NEBL: variants seen among roughly 807,000 people sequenced by gnomAD.
NEBL encodes the protein nebulette.
A neutral mutation model predicts 140.2 loss-of-function variants in NEBL; 122 were observed. The observed-to-expected ratio is 0.87, with a 90% CI of 0.75 to 1.01. The LOEUF (loss-of-function observed/expected upper bound fraction) is 1.01. Ranked by LOEUF, NEBL falls within the 50% of genes least tolerant of loss-of-function variation. The pLI is 0.00. For synonymous variants in NEBL, 436 were observed against 398.9 expected, an observed-to-expected ratio of 1.09 and a Z score of -1.11; for missense variants, 1,365 against 1,231.3, an observed-to-expected ratio of 1.11 and a Z score of -1.62.
chr10:20,974,153 C>G (rs1030973908), intron 3 of NEBL, among the ~76,000 whole-genome samples: 4 of 152,164 alleles, frequency 2.6e-5, no homozygotes, highest in Non-Finnish European at 5.9e-5. Flanking sequence ...AAACCCAGAT[C>G]TGCTGTCCCC....
At chr10:21,228,134 T>A (rs1177137183) in intron 3 of NEBL, among the ~76,000 whole-genome samples, 1 of 151,726 alleles carries the variant, frequency 6.6e-6, no homozygotes, top group Non-Finnish European at 1.5e-5. Flanking sequence ...CGAGTTGTTG[T>A]TGTTGCTATT....
chr10:20,810,145 A>G (rs954946707), intron 24 of NEBL, among the ~76,000 whole-genome samples: 2 of 152,154 alleles, frequency 1.3e-5, no homozygotes, highest in African/African-American at 4.8e-5. Flanking sequence ...CTATTCATTG[A>G]GCTGCCCTAT....
upstream of NEBL, among the ~76,000 whole-genome samples, chr10:21,178,563 A>T (rs1398047688): frequency 6.6e-6 from 1 of 152,048 alleles, no homozygotes; most frequent in Non-Finnish European, 1.5e-5. Flanking sequence ...AAAATATAAG[A>T]CCCCCTAAAG....
intron 24 of NEBL, among the ~76,000 whole-genome samples, chr10:20,812,492 C>T (rs1019874772): frequency 2.7e-4 from 40 of 147,856 alleles, no homozygotes; most frequent in Non-Finnish European, 5.1e-4. Context: ...CACAACAGGC[C>T]CTGGTGTGTG....
At chr10:20,841,867 C>G (rs1227349131) in intron 12 of NEBL, among the ~76,000 whole-genome samples, 1 of 151,942 alleles carries the variant, frequency 6.6e-6, no homozygotes, top group Non-Finnish European at 1.5e-5. Context: ...AAAACCAAAA[C>G]ATTTTCTACA....
intron 1 of NEBL, among the ~76,000 whole-genome samples, chr10:21,267,572 C>A (rs7099095): frequency 0.46 from 70,051 of 152,010 alleles, 18,019 homozygotes; most frequent in African/African-American, 0.69. Context: ...CTCTTTCTCA[C>A]GCAAGACTTC....
chr10:20,794,152 G>A (rs1038445963), intron 26 of NEBL, among the ~76,000 whole-genome samples: 2 of 152,190 alleles, frequency 1.3e-5, no homozygotes, highest in Non-Finnish European at 2.9e-5. Flanking sequence ...CCAGTGCCAC[G>A]AGGCGAGGGG....
chr10:20,859,814 C>T lies in NEBL; in HGVS notation c.697G>A (p.Glu233Lys). Residue 233 changes from glutamate to lysine, a missense_variant, in exon 8 of 28, where the codon GAA becomes AAA. Coordinates refer to ENST00000377122, the MANE Select transcript of NEBL (RefSeq NM_006393.3). ...TCCTTCATTTCATTATCAAATTTTT[C>T]TTTGTATTTAATCTGTCATAAAAGA... ...SKLSSQIKYK[E>K]KFDNEMKDKK... is the part of the protein sequence containing the mutation. The T allele has an allele frequency of 6.6e-7, 1 of 1,505,040 alleles. No homozygotes were observed. Among genetic ancestry groups the T allele is most frequent in the South Asian group, 1.1e-5 (1 of 86,978 alleles). 93.2% of individuals were successfully genotyped at this position (1,505,040 alleles called of 1,614,324 possible).
intron 2 of NEBL, among the ~76,000 whole-genome samples, chr10:21,103,251 T>C (rs1589236241): frequency 1.3e-5 from 2 of 151,350 alleles, no homozygotes; most frequent in South Asian, 2.1e-4. Context: ...CTCACTCTGT[T>C]GCCCAGGCTG....
chr10:21,061,727 A>T (rs1835315315), intron 2 of NEBL, among the ~76,000 whole-genome samples: 1 of 152,164 alleles, frequency 6.6e-6, no homozygotes, highest in African/African-American at 2.4e-5. Flanking sequence ...TGATGTTTTT[A>T]TCCCTAAAAG....
rs139039342 is a variant in NEBL at position 20,905,992 on chromosome 10, A to G, written c.357+55680T>C. ...TCTATTCCCTTTATGTGCCTTGAAC[A>G]TAATTTTTCCTTCTTCAGGTTATTG... On this transcript the variant is annotated intron_variant, in intron 4 of 6. Coordinates refer to the NEBL transcript ENST00000417816. 2.6e-4 allele frequency among the ~76,000 whole-genome samples: 40 copies of G among 152,340 alleles called. 2 individuals carry two copies. Among genetic ancestry groups the G allele is most frequent in the Admixed American group, 2.6e-3 (39 of 15,286 alleles).
chr10:21,097,015 T>C (rs1189580415), intron 2 of NEBL, among the ~76,000 whole-genome samples: 1 of 152,176 alleles, frequency 6.6e-6, no homozygotes, highest in Non-Finnish European at 1.5e-5. Flanking sequence ...TTTCCTGGCT[T>C]ATATTTTATT....
Position 20,892,737 on chromosome 10 carries a change from G to A in NEBL, c.154-2788C>T, listed in dbSNP as rs571776908. On this transcript the variant is annotated intron_variant, in intron 2 of 27. Transcript: ENST00000377122. ...TCGCTTCCTCCTCCTGGCCAAGTTTGTTTGAATGAGTATGAGATTAGCTAA... is the reference window on the plus strand; with the variant it reads ...TCGCTTCCTCCTCCTGGCCAAGTTTATTTGAATGAGTATGAGATTAGCTAA... Among the ~76,000 whole-genome samples the A allele has an allele frequency of 3.9e-5, 6 of 152,316 alleles. No individual in the cohort carries two copies. In the South Asian group the frequency reaches 1.2e-3, roughly 32 times the overall value.
At chr10:21,140,344 T>C (rs1477969121) in intron 2 of NEBL, among the ~76,000 whole-genome samples, 2 of 152,252 alleles carry the variant, frequency 1.3e-5, no homozygotes, top group Non-Finnish European at 2.9e-5. Flanking sequence ...TTTATACATT[T>C]CATTTTTAAT....
In NEBL at chr10:20,818,364, A is replaced by G. The variant is rs191553790; in HGVS notation, c.2056-672T>C. ...ACCTCCCCAAGACTCAGTTTCCCAC[A>G]TCTACCAACCAGAGAAACAAACAGT... On this transcript the variant is annotated intron_variant, in intron 20 of 27. Coordinates refer to ENST00000377122, the MANE Select transcript of NEBL (RefSeq NM_006393.3). Among the ~76,000 whole-genome samples the G allele has an allele frequency of 4.6e-3, 707 of 152,274 alleles. 3 individuals are homozygous for G. Among genetic ancestry groups the G allele is most frequent in the African/African-American group, 0.016 (659 of 41,544 alleles).
intron 4 of NEBL, among the ~76,000 whole-genome samples, chr10:20,911,052 T>C (rs1848312016): frequency 6.6e-6 from 1 of 152,008 alleles, no homozygotes; most frequent in South Asian, 2.1e-4. Flanking sequence ...TAGTTCCAGC[T>C]GCTCGGGAGG....
exon 1 of NEBL, chr10:21,174,095 G>C: frequency 1.0e-6 from 1 of 970,172 alleles, no homozygotes; most frequent in Non-Finnish European, 1.3e-6. Context: ...GCTCTGCGTC[G>C]CTCGCACTCC....
At chr10:21,100,099 C>A (rs968816782) in intron 2 of NEBL, among the ~76,000 whole-genome samples, 5 of 152,210 alleles carry the variant, frequency 3.3e-5, no homozygotes, top group Admixed American at 3.3e-4. Context: ...TAGACACCCA[C>A]TCAGTCAAAA....
At chr10:20,817,536 C>T in intron 21 of NEBL, 64 bp downstream of exon 21, 1 of 1,239,368 alleles carries the variant, frequency 8.1e-7, no homozygotes, top group Non-Finnish European at 1.2e-6. Flanking sequence ...AAATACAATC[C>T]CTTCATTCAC....
Sources: allele counts gnomAD v4.1 joint callset (sites outside exome capture counted in the v4.1 genomes callset), GRCh38; gene constraint gnomAD v4.1.1; transcripts MANE v1.5; gene names NCBI Gene and HGNC (gene_info 2026-07-23, HGNC 2026-07-21).